ABTB2: variants seen among roughly 807,000 people sequenced by gnomAD.
ABTB2 encodes the protein ankyrin repeat and BTB/POZ domain-containing protein 2.
In ABTB2, 56 loss-of-function variants were observed where a neutral mutation model predicts 104.1. That is an observed-to-expected ratio of 0.54 (90% CI 0.43 to 0.67). The LOEUF (loss-of-function observed/expected upper bound fraction) is 0.67, where lower values mean the gene tolerates loss of function less well. Among genes scored for constraint, ABTB2 ranks in the 30% least tolerant of loss-of-function variants. The pLI is 0.00. For synonymous variants in ABTB2, 606 were observed against 608.2 expected (o/e 1.00, Z 0.05); for missense variants, 1,279 against 1,407.7 (o/e 0.91, Z 1.46).
At chr11:34,178,316 T>A (rs1852982036) in intron 3 of ABTB2, among the ~76,000 whole-genome samples, 1 of 152,226 alleles carries the variant, frequency 6.6e-6, no homozygotes, top group East Asian at 1.9e-4. Context: ...AAGTAATTCA[T>A]GGACTTTCTC....
At chr11:34,245,771 TC>T in intron 1 of ABTB2, among the ~76,000 whole-genome samples, 1 of 152,256 alleles carries the variant, frequency 6.6e-6, no homozygotes, top group African/African-American at 2.4e-5. Context: ...AAATGGAAGC[TC>T]TTTGGTGGGC....
At chr11:34,339,873 A>G (rs1855241237) in intron 1 of ABTB2, among the ~76,000 whole-genome samples, 2 of 152,120 alleles carry the variant, frequency 1.3e-5, no homozygotes, top group Non-Finnish European at 2.9e-5. Context: ...TCCTATAGAA[A>G]TAATCCAGCT....
At chr11:34,295,207 G>A (rs1854608153) in intron 1 of ABTB2, among the ~76,000 whole-genome samples, 1 of 152,072 alleles carries the variant, frequency 6.6e-6, no homozygotes, top group African/African-American at 2.4e-5. Flanking sequence ...TAAAAATATT[G>A]TTATATAAGA....
intron 1 of ABTB2, among the ~76,000 whole-genome samples, chr11:34,353,179 C>T (rs2133130701): frequency 6.6e-6 from 1 of 152,356 alleles, no homozygotes; most frequent in African/African-American, 2.4e-5. Flanking sequence ...CTTTTGTACA[C>T]CCTGGATACT....
chr11:34,268,834 C>T (rs1854279071), intron 1 of ABTB2, among the ~76,000 whole-genome samples: 1 of 152,190 alleles, frequency 6.6e-6, no homozygotes, highest in Non-Finnish European at 1.5e-5. Context: ...ACGTGTGCCT[C>T]ACCCTGTATT....
chr11:34,160,214 G>T lies in ABTB2; in HGVS notation c.2503+34C>A, dbSNP rs371809150. 5.2e-6 allele frequency: 8 copies of T among 1,535,890 alleles called. No individual in the cohort carries two copies. The African/African-American group carries it at 1.1e-4, about 21-fold the overall frequency. ...AGGAAAGGGAAGAGGGGGAGGACGT[G>T]TGGTGATGCAGGGCGCAGGGGGCGC... is the stretch of plus-strand genomic sequence containing the variant. On this transcript the variant is annotated intron_variant, in intron 12 of 16. Coordinates refer to ENST00000435224, the MANE Select transcript of ABTB2 (RefSeq NM_145804.3).
At chr11:34,320,379 G>A (rs1854985459) in intron 1 of ABTB2, among the ~76,000 whole-genome samples, 1 of 152,156 alleles carries the variant, frequency 6.6e-6, no homozygotes, top group Non-Finnish European at 1.5e-5. Flanking sequence ...AGAAGGCAGG[G>A]TCCTAAAAAT....
Position 34,173,510 on chromosome 11 carries a change from AC to A in ABTB2, c.1245-204del, listed in dbSNP as rs769720287. Among the ~76,000 whole-genome samples, 10 of 152,246 alleles carry A rather than the reference AC, an allele frequency of 6.6e-5. No homozygotes were observed. In the East Asian group the frequency reaches 1.9e-3, roughly 29 times the overall value. On this transcript the variant is annotated intron_variant, in intron 3 of 16. Coordinates refer to ENST00000435224, the MANE Select transcript of ABTB2 (RefSeq NM_145804.3). The stretch of plus-strand genomic sequence containing the variant: ...GCAGCAGGGGACCCCTTAAGCACAC[AC>A]ATGCTCACAAGTGGCAACCAAGGCT...
rs573102767 is a variant in ABTB2 at position 34,159,561 on chromosome 11, A to G, written c.2607-175T>C. Among the ~76,000 whole-genome samples the G allele has an allele frequency of 3.9e-5, 6 of 152,364 alleles. No individual in the cohort carries two copies. The South Asian group carries it at 1.2e-3, about 32-fold the overall frequency. ...CCATTTTACACCATCTTAGGAAGAC[A>G]TCTGAGCTGAGCCCAATTCTGTCCC... On this transcript the variant is annotated intron_variant, in intron 13 of 16. Transcript: ENST00000435224.
At chr11:34,227,224 A>G (rs1484137238) in intron 1 of ABTB2, among the ~76,000 whole-genome samples, 1 of 151,464 alleles carries the variant, frequency 6.6e-6, no homozygotes, top group African/African-American at 2.4e-5. Flanking sequence ...CAGTGAGCCC[A>G]GATTGCACCA....
Position 34,356,747 on chromosome 11 carries a change from G to A in ABTB2, c.837C>T (p.Gly279=). The A allele has an allele frequency of 6.2e-7, 1 of 1,610,364 alleles. No individual in the cohort carries two copies. The highest frequency in any genetic ancestry group is 8.5e-7 in the Non-Finnish European group (1 of 1,177,836). ...TGAGATGCTCATAGGGCTGCAAGACGCCCCAGAGCTCGGCGTCGTTGTTGA... is the reference window on the plus strand; with the variant it reads ...TGAGATGCTCATAGGGCTGCAAGACACCCCAGAGCTCGGCGTCGTTGTTGA... The part of the protein sequence containing the change: ...MVINNDAELW[G]VLQPYEHLIC... The change falls in exon 1 of 17, where the codon GGC becomes GGT. Residue 279 remains glycine, a synonymous_variant. Transcript: ENST00000435224. This position sits in a 1 kb window ranked among gnomAD's most constrained non-coding sequence, Gnocchi z 4.6.
At chr11:34,266,713 T>A (rs1278109610) in intron 1 of ABTB2, among the ~76,000 whole-genome samples, 2 of 152,124 alleles carry the variant, frequency 1.3e-5, no homozygotes, top group African/African-American at 4.8e-5. Context: ...GACTAAGCCA[T>A]TGAATTTTAA....
chr11:34,190,473 G>A (rs141300530), intron 3 of ABTB2, among the ~76,000 whole-genome samples: 1 of 152,196 alleles, frequency 6.6e-6, no homozygotes, highest in East Asian at 1.9e-4. Flanking sequence ...TCTTGCTTTT[G>A]TCTCCCTCAT....
chr11:34,243,870 C>T (rs1052364864), intron 1 of ABTB2, among the ~76,000 whole-genome samples: 1 of 152,190 alleles, frequency 6.6e-6, no homozygotes, highest in Admixed American at 6.5e-5. Flanking sequence ...GGGCATTCCA[C>T]AGGCTTATAA....
At chr11:34,287,026 G>A (rs1303353293) in intron 1 of ABTB2, among the ~76,000 whole-genome samples, 1 of 152,098 alleles carries the variant, frequency 6.6e-6, no homozygotes, top group African/African-American at 2.4e-5. Context: ...GGTGGTGGTT[G>A]CACAAATGAA....
chr11:34,248,088 A>ATTTTTTTTTTTTTTTTTTTTTTTT lies in ABTB2; in HGVS notation c.884-43399_884-43398insAAAAAAAAAAAAAAAAAAAAAAAA, dbSNP rs377220875. On this transcript the variant is annotated intron_variant, in intron 1 of 16. Transcript: ENST00000435224. ...CAATCATTCAATTTACTTATCTATA[A>ATTTTTTTTTTTTTTTTTTTTTTTT]TTTTTCTTAAAAAAAAAAAAAAAAA... 9.2e-4 allele frequency among the ~76,000 whole-genome samples: 72 copies of ATTTTTTTTTTTTTTTTTTTTTTTT among 78,364 alleles called. 5 individuals are homozygous for ATTTTTTTTTTTTTTTTTTTTTTTT. The highest frequency in any genetic ancestry group is 4.8e-3 in the African/African-American group (68 of 14,106). The allele number at this position is 78,364 out of a possible 152,430, so 51.4% of individuals were successfully genotyped here. A position where few individuals can be genotyped will look rare whatever the true frequency, so the allele number is the denominator to read the frequency against.
At chr11:34,207,135 C>T (rs1353677383) in intron 1 of ABTB2, among the ~76,000 whole-genome samples, 1 of 152,260 alleles carries the variant, frequency 6.6e-6, no homozygotes, top group African/African-American at 2.4e-5. Context: ...ACCACCCCAA[C>T]TACAGGCTGA....
At chr11:34,174,553 G>C (rs1852936684) in intron 3 of ABTB2, among the ~76,000 whole-genome samples, 1 of 152,202 alleles carries the variant, frequency 6.6e-6, no homozygotes, top group African/African-American at 2.4e-5. Flanking sequence ...CTGCGGCTCA[G>C]GCCGCGCCCG....
intron 1 of ABTB2, among the ~76,000 whole-genome samples, chr11:34,297,780 A>AT (rs201302209): frequency 0.19 from 18,712 of 97,414 alleles, 2,304 homozygotes; most frequent in East Asian, 0.45. Context: ...AAAAAAAAAA[A>AT]AAAATAAAAA....
Sources: gnomAD v4.1 joint callset for allele counts (sites outside exome capture counted in the v4.1 genomes callset) on GRCh38, gnomAD v4.1.1 for gene constraint, Gnocchi (gnomAD v3.1) non-coding constraint, MANE v1.5 for transcripts, NCBI Gene and HGNC (gene_info 2026-07-23, HGNC 2026-07-21) for gene names.